Variants in CNTNAP4 observed in about 807,000 individuals in gnomAD.
CNTNAP4 encodes contactin associated protein family member 4, also known as contactin-associated protein-like 4.
CNTNAP4 carries 98 observed loss-of-function variants against 148.4 expected under a neutral mutation model. The observed-to-expected ratio is 0.66, with a 90% confidence interval of 0.56 to 0.78. The LOEUF (loss-of-function observed/expected upper bound fraction) is 0.78. Among genes scored for constraint, CNTNAP4 ranks in the 30% least tolerant of loss-of-function variants. The pLI is 0.00. For synonymous variants in CNTNAP4, 730 were observed against 565.1 expected, an observed-to-expected ratio of 1.29 and a Z score of -4.14; for missense variants, 1,935 against 1,565.6, an observed-to-expected ratio of 1.24 and a Z score of -3.98.
chr16:76,474,489 T>C (rs1216956161), intron 10 of CNTNAP4, among the ~76,000 whole-genome samples: 2 of 152,178 alleles, frequency 1.3e-5, no homozygotes, highest in Non-Finnish European at 2.9e-5. Flanking sequence ...ATAATATCTC[T>C]TTCAGATAAA....
At chr16:76,331,024 C>G (rs1963459730) in intron 2 of CNTNAP4, among the ~76,000 whole-genome samples, 2 of 151,956 alleles carry the variant, frequency 1.3e-5, no homozygotes, top group African/African-American at 2.4e-5. Context: ...ACATAACATA[C>G]AATTAACCAT....
At chr16:76,378,399 AG>A (rs2015641312) in intron 3 of CNTNAP4, among the ~76,000 whole-genome samples, 1 of 152,230 alleles carries the variant, frequency 6.6e-6, no homozygotes. Flanking sequence ...TAGCCTTTGT[AG>A]TAGCTAATAC....
intron 2 of CNTNAP4, among the ~76,000 whole-genome samples, chr16:76,352,369 G>A (rs2144469041): frequency 6.6e-6 from 1 of 152,258 alleles, no homozygotes; most frequent in South Asian, 2.1e-4. Flanking sequence ...AAACTACAGG[G>A]AGGGAAGTTG....
intron 1 of CNTNAP4, among the ~76,000 whole-genome samples, chr16:76,302,744 G>A (rs931301214): frequency 1.4e-4 from 22 of 152,270 alleles, no homozygotes; most frequent in Middle Eastern, 3.4e-3. Flanking sequence ...GCACTCGAGG[G>A]GAGGGGATTA....
intron 17 of CNTNAP4, among the ~76,000 whole-genome samples, chr16:76,525,519 A>G (rs1016066125): frequency 6.8e-6 from 1 of 147,740 alleles, no homozygotes; most frequent in Non-Finnish European, 1.5e-5. Context: ...TTATAGTTAC[A>G]TAGTTATATA....
intron 1 of CNTNAP4, among the ~76,000 whole-genome samples, chr16:76,287,064 A>T (rs1439643807): frequency 6.6e-5 from 10 of 152,206 alleles, no homozygotes; most frequent in Non-Finnish European, 1.3e-4. Context: ...TCATGCTCAC[A>T]TACAGCTTCA....
At chr16:76,377,676 A>G (rs1363800704) in intron 3 of CNTNAP4, among the ~76,000 whole-genome samples, 8 of 152,168 alleles carry the variant, frequency 5.3e-5, no homozygotes, top group Admixed American at 4.6e-4. Context: ...AAAGTTTGCT[A>G]TCACCAGCTG....
At chr16:76,446,274 A>G (rs970834826) in intron 4 of CNTNAP4, among the ~76,000 whole-genome samples, 2 of 152,288 alleles carry the variant, frequency 1.3e-5, no homozygotes, top group Admixed American at 1.3e-4. Flanking sequence ...CTGGAATGTC[A>G]TTTCGTTGAC....
intron 3 of CNTNAP4, among the ~76,000 whole-genome samples, chr16:76,388,755 GA>G (rs2016717065): frequency 6.6e-6 from 1 of 152,120 alleles, no homozygotes; most frequent in Admixed American, 6.5e-5. Flanking sequence ...CTAAATGATG[GA>G]AATGTTATTT....
intron 15 of CNTNAP4, among the ~76,000 whole-genome samples, chr16:76,505,761 G>A (rs1326280890): frequency 1.0e-5 from 1 of 97,414 alleles, no homozygotes; most frequent in African/African-American, 2.6e-5. Context: ...GAGGCTGAGT[G>A]CAGTGGCTCA....
intron 3 of CNTNAP4, among the ~76,000 whole-genome samples, chr16:76,362,199 G>A (rs898885866): frequency 1.3e-5 from 2 of 151,972 alleles, no homozygotes; most frequent in Non-Finnish European, 2.9e-5. Flanking sequence ...TTTACCATGG[G>A]AACAAAAGAG....
intron 3 of CNTNAP4, among the ~76,000 whole-genome samples, chr16:76,425,745 T>C (rs550498233): frequency 4.6e-5 from 7 of 152,280 alleles, no homozygotes; most frequent in South Asian, 4.1e-4. Context: ...CTGGTGCGAA[T>C]CCCTGAGAGA....
chr16:76,531,033 T>C (rs746093958), intron 17 of CNTNAP4, among the ~76,000 whole-genome samples: 3 of 152,180 alleles, frequency 2.0e-5, no homozygotes, highest in African/African-American at 4.8e-5. Context: ...TTCTTTGCCA[T>C]AGTGTCAAAG....
At chr16:76,373,673 T>C (rs1182003854) in intron 3 of CNTNAP4, among the ~76,000 whole-genome samples, 2 of 151,868 alleles carry the variant, frequency 1.3e-5, no homozygotes, top group Non-Finnish European at 2.9e-5. Flanking sequence ...GGCAGGTGGA[T>C]CACCTGAGCT....
At chr16:76,340,733 G>T (rs2144345128) in intron 2 of CNTNAP4, among the ~76,000 whole-genome samples, 2 of 152,264 alleles carry the variant, frequency 1.3e-5, no homozygotes, top group South Asian at 4.1e-4. Flanking sequence ...CGTGGCGTTT[G>T]CCTGCTAGTA....
intron 21 of CNTNAP4, 34 bp downstream of exon 21, chr16:76,540,824 G>T: frequency 7.0e-7 from 1 of 1,427,024 alleles, no homozygotes; most frequent in East Asian, 2.5e-5. Flanking sequence ...CCCTAACCAT[G>T]CTAATCATGA....
At chr16:76,508,617 T>A (rs1466207986) in intron 15 of CNTNAP4, among the ~76,000 whole-genome samples, 4 of 95,344 alleles carry the variant, frequency 4.2e-5, no homozygotes, top group African/African-American at 1.0e-4. Context: ...TTGTTTTTAG[T>A]ACTTTCAAAA....
chr16:76,518,051 A>G (rs566009682), intron 15 of CNTNAP4, among the ~76,000 whole-genome samples: 3 of 152,252 alleles, frequency 2.0e-5, no homozygotes, highest in East Asian at 1.9e-4. Flanking sequence ...GTGAATGACT[A>G]TATGGATTTA....
At position 76,522,026 on chromosome 16, in the gene CNTNAP4, G is replaced by T; in HGVS notation, c.2537-13G>T. On this transcript the variant is annotated splice_polypyrimidine_tract_variant and intron_variant, in intron 16 of 23. Coordinates refer to ENST00000611870, the MANE Select transcript of CNTNAP4 (RefSeq NM_033401.5). ...GAACTCACTAGAACAATCTTTATGT[G>T]TAATATTTCCAGCTCCGACAGTAGT... 6.2e-7 allele frequency: 1 copy of T among 1,612,932 alleles called. No individual in the cohort carries two copies. The highest frequency in any genetic ancestry group is 1.1e-5 in the South Asian group (1 of 91,070).
Sources: allele counts gnomAD v4.1 joint callset (sites outside exome capture counted in the v4.1 genomes callset), GRCh38; gene constraint gnomAD v4.1.1; transcripts MANE v1.5; gene names NCBI Gene and HGNC (gene_info 2026-07-23, HGNC 2026-07-21).